The following ESF1 variants were observed in gnomAD, a reference collection of about 807,000 sequenced individuals.
ESF1 encodes ESF1 nucleolar pre-rRNA processing protein, also known as ESF1 homolog.
In ESF1, 58 loss-of-function variants were observed where a neutral mutation model predicts 92.0. That is an observed-to-expected ratio of 0.63 (90% CI 0.51 to 0.78). ESF1 has a LOEUF of 0.78. Ranked by LOEUF, ESF1 falls within the 30% of genes least tolerant of loss-of-function variation. The probability of loss-of-function intolerance (pLI) is 0.00; values close to 1 mark genes in which losing one functional copy is unlikely to be tolerated. For synonymous variants in ESF1, 321 were observed against 313.7 expected, an observed-to-expected ratio of 1.02 and a Z score of -0.24; for missense variants, 922 against 989.1, an observed-to-expected ratio of 0.93 and a Z score of 0.91.
intron 2 of ESF1, among the ~76,000 whole-genome samples, chr20:13,777,977 G>C (rs749845185): frequency 6.6e-6 from 1 of 152,164 alleles, no homozygotes; most frequent in Non-Finnish European, 1.5e-5. Context: ...TAGGATAAGG[G>C]AAAAGAGAGA....
Position 13,762,691 on chromosome 20 carries a change from C to A in ESF1, c.1667-2838G>T, listed in dbSNP as rs568316691. ...TGCTATGCTCTCTTATAAACAATAA[C>A]CAGAAATATTCAGTAGCTTTAAGGC... On this transcript the variant is annotated intron_variant, in intron 8 of 13. Transcript: ENST00000617257. Among the ~76,000 whole-genome samples, 4 of 152,054 alleles carry A rather than the reference C, an allele frequency of 2.6e-5. No individual in the cohort carries two copies. The East Asian group carries it at 5.8e-4, about 22-fold the overall frequency.
intron 8 of ESF1, among the ~76,000 whole-genome samples, chr20:13,761,964 T>A (rs1420217191): frequency 2.0e-5 from 3 of 152,218 alleles, no homozygotes; most frequent in Non-Finnish European, 4.4e-5. Flanking sequence ...CTCTATAACC[T>A]ATGGCTAACT....
chr20:13,755,461 TTA>T (rs1189984863), intron 9 of ESF1, among the ~76,000 whole-genome samples: 2 of 152,320 alleles, frequency 1.3e-5, no homozygotes, highest in South Asian at 2.1e-4. Context: ...TACACTTCAT[TTA>T]TACGTGTATT....
chr20:13,734,052 A>G (rs2049961063), intron 9 of ESF1, among the ~76,000 whole-genome samples: 1 of 152,186 alleles, frequency 6.6e-6, no homozygotes, highest in Non-Finnish European at 1.5e-5. Context: ...AAACAACAAT[A>G]ACCTAACCAA....
intron 4 of ESF1, 146 bp from the exon 5 acceptor site, chr20:13,772,761 C>G: frequency 1.7e-6 from 1 of 574,734 alleles, no homozygotes; most frequent in Non-Finnish European, 3.1e-6. Flanking sequence ...CTATAGGAAG[C>G]TAGAGCATCT....
chr20:13,754,818 T>C (rs565687646), intron 9 of ESF1, among the ~76,000 whole-genome samples: 2 of 152,340 alleles, frequency 1.3e-5, no homozygotes, highest in African/African-American at 4.8e-5. Flanking sequence ...GTCTTTATAA[T>C]GGCCTACAAG....
chr20:13,770,473 A>T (rs1979634035), intron 6 of ESF1, among the ~76,000 whole-genome samples: 1 of 152,120 alleles, frequency 6.6e-6, no homozygotes, highest in Non-Finnish European at 1.5e-5. Context: ...GGCTCAAGCG[A>T]TCCTCTACAG....
At chr20:13,759,646 A>G (rs1979061462) in intron 9 of ESF1, 46 bp downstream of exon 9, 7 of 1,559,316 alleles carry the variant, frequency 4.5e-6, no homozygotes, top group Non-Finnish European at 5.1e-6. Context: ...GGTACTCAAC[A>G]TGCTGAAATT....
intron 9 of ESF1, among the ~76,000 whole-genome samples, chr20:13,742,642 T>C (rs1314043670): frequency 1.3e-5 from 2 of 151,518 alleles, no homozygotes; most frequent in Non-Finnish European, 2.9e-5. Flanking sequence ...GTGACAGGAG[T>C]ATGAATATAC....
At chr20:13,755,174 G>A (rs1266535696) in intron 9 of ESF1, among the ~76,000 whole-genome samples, 1 of 152,138 alleles carries the variant, frequency 6.6e-6, no homozygotes, top group Non-Finnish European at 1.5e-5. Flanking sequence ...AGTATTTGAT[G>A]GAGTAAGGAA....
chr20:13,726,925 T>G (rs1284323304), intron 11 of ESF1, among the ~76,000 whole-genome samples: 2 of 152,176 alleles, frequency 1.3e-5, no homozygotes, highest in African/African-American at 4.8e-5. Flanking sequence ...AATTACCCTC[T>G]GGGAACACTC....
In ESF1 at chr20:13,771,346, G is replaced by C; in HGVS notation, c.1388C>G (p.Ser463Cys). The C allele has an allele frequency of 6.2e-7, 1 of 1,611,730 alleles. No homozygotes were observed. The highest frequency in any genetic ancestry group is 8.5e-7 in the Non-Finnish European group (1 of 1,179,542). The change falls in exon 6 of 14, where the codon TCT becomes TGT. Residue 463 changes from serine (S) to cysteine (C), a missense_variant. By Grantham distance (112) the Ser-to-Cys change is moderately radical. Coordinates refer to ENST00000617257, the MANE Select transcript of ESF1 (RefSeq NM_001276380.2). ...ACTGGATTACCTTAGATCTATGAAA[G>C]AACAACTACTTTCAAATTCCAGGCC... Reference protein sequence around the residue: ...CDGLEFESSCSFIDLRFIPDD... With the variant: ...CDGLEFESSCCFIDLRFIPDD...
chr20:13,779,194 T>C (rs548711638), intron 2 of ESF1, among the ~76,000 whole-genome samples: 10 of 152,226 alleles, frequency 6.6e-5, no homozygotes, highest in East Asian at 1.9e-4. Context: ...CATTACTACT[T>C]ATCCAGCTAC....
At chr20:13,762,969 T>G in intron 8 of ESF1, 1 of 251,558 alleles carries the variant, frequency 4.0e-6, no homozygotes, top group South Asian at 3.7e-5. Context: ...CATGCCATTC[T>G]CCTGCCTCAG....
intron 10 of ESF1, among the ~76,000 whole-genome samples, chr20:13,733,011 T>C (rs2049953842): frequency 6.6e-6 from 1 of 152,046 alleles, no homozygotes; most frequent in Admixed American, 6.6e-5. Flanking sequence ...ACTGTACCTC[T>C]GCCTCCTGGG....
intron 9 of ESF1, 38 bp from the exon 10 acceptor site, chr20:13,733,880 T>G: frequency 6.4e-7 from 1 of 1,567,304 alleles, no homozygotes; most frequent in East Asian, 2.3e-5. Context: ...TAAAATGTCT[T>G]ATTGTCTGGC....
intron 8 of ESF1, among the ~76,000 whole-genome samples, chr20:13,766,225 T>C (rs752576809): frequency 9.8e-4 from 149 of 152,248 alleles, no homozygotes; most frequent in Middle Eastern, 3.4e-3. Flanking sequence ...TGGCTAAGAA[T>C]ATTCCAAAAC....
At chr20:13,767,248 C>T (rs899681630) in intron 7 of ESF1, among the ~76,000 whole-genome samples, 1 of 152,108 alleles carries the variant, frequency 6.6e-6, no homozygotes, top group African/African-American at 2.4e-5. Context: ...CATTATGGGC[C>T]AGGCATGGTG....
chr20:13,756,199 T>C (rs1978885725), intron 9 of ESF1, among the ~76,000 whole-genome samples: 1 of 152,210 alleles, frequency 6.6e-6, no homozygotes, highest in South Asian at 2.1e-4. Context: ...ATGAATAAAC[T>C]GAGGTACAGA....
Sources: gnomAD v4.1 joint callset for allele counts (sites outside exome capture counted in the v4.1 genomes callset) on GRCh38, gnomAD v4.1.1 for gene constraint, MANE v1.5 for transcripts, NCBI Gene and HGNC (gene_info 2026-07-23, HGNC 2026-07-21) for gene names.